EP400: variants seen among roughly 807,000 people sequenced by gnomAD.
EP400 encodes E1A-binding protein p400.
A neutral mutation model predicts 354.1 loss-of-function variants in EP400; 105 were observed. The ratio of observed to expected loss-of-function variants is 0.30; its 90% CI spans 0.25 to 0.35. The LOEUF is 0.35. EP400 is among the 10% of genes least tolerant of loss of function. EP400 has a pLI of 1.00. For synonymous variants in EP400, 1,646 were observed against 1,716.9 expected (o/e 0.96, Z 1.02); for missense variants, 3,280 against 4,121.0 (o/e 0.80, Z 5.59).
At position 132,037,996 on chromosome 12, in the gene EP400, A is replaced by G; in HGVS notation, c.6107A>G (p.Asp2036Gly). Residue 2036 changes from aspartate (D) to glycine (G), a missense_variant, in exon 32 of 53, where the codon GAT becomes GGT. Coordinates refer to ENST00000389561, the MANE Select transcript of EP400 (RefSeq NM_015409.5). Reference protein sequence around the residue: ...ELFEVYSPMDDAGFPVKAEEF... With the variant: ...ELFEVYSPMDGAGFPVKAEEF... ...TTTGAAGTTTATTCTCCCATGGATG[A>G]TGCTGGCTTCCCGGTCAAAGCTGAG... is the stretch of plus-strand genomic sequence containing the variant. 1 of 1,614,242 alleles carries G rather than the reference A, an allele frequency of 6.2e-7. No homozygotes were observed. The highest frequency in any genetic ancestry group is 8.5e-7 in the Non-Finnish European group (1 of 1,180,040).
intron 30 of EP400, among the ~76,000 whole-genome samples, chr12:132,035,067 C>G (rs569342216): frequency 6.6e-6 from 1 of 152,134 alleles, no homozygotes; most frequent in South Asian, 2.1e-4. Context: ...AAAGACCCCC[C>G]CTTACTCTTA....
chr12:131,999,951 G>T, intron 12 of EP400, among the ~76,000 whole-genome samples: 1 of 148,068 alleles, frequency 6.8e-6, no homozygotes, highest in South Asian at 2.1e-4. Flanking sequence ...CTGTTTTCTT[G>T]ATAGTCTTGT....
Position 132,067,103 on chromosome 12 carries a change from C to A in EP400, c.8749+134C>A. On this transcript the variant is annotated intron_variant, in intron 49 of 52. Coordinates refer to ENST00000389561, the MANE Select transcript of EP400 (RefSeq NM_015409.5). The surrounding 1 kb of genome is among the most constrained non-coding windows in gnomAD (Gnocchi z 5.3). ...TTGAGCGTGCCATCACGTGTTCTAG[C>A]ACAAACGTGCCTTGGCGCTTTCCAG... 1.6e-6 allele frequency: 2 copies of A among 1,249,890 alleles called. No homozygotes were observed. The highest frequency in any genetic ancestry group is 2.1e-6 in the Non-Finnish European group (2 of 931,956). 77.4% of individuals were successfully genotyped at this position (1,249,890 alleles called of 1,614,324 possible).
Position 132,062,581 on chromosome 12 carries a change from GCAGCAGCAGCAA to G in EP400, c.8226_8237del (p.Gln2745_Gln2748del), listed in dbSNP as rs765799011. On this transcript the variant is annotated inframe_deletion, in exon 47 of 53. Transcript: ENST00000389561. Reference sequence around the variant, plus strand: ...AGCAGCAGCAGCAGCAGCAGCAGCAGCAGCAGCAGCAACAGCAGCAGCAGCAACAGACGACGA... The same window carrying G: ...AGCAGCAGCAGCAGCAGCAGCAGCAGCAGCAGCAGCAGCAACAGACGACGA... 2.5e-4 allele frequency: 407 copies of G among 1,606,708 alleles called. 1 individual carries two copies. In the African/African-American group the frequency reaches 4.3e-3, roughly 17 times the overall value.
At position 131,987,693 on chromosome 12, in the gene EP400, T is replaced by C; in HGVS notation, c.2224-12T>C. On this transcript the variant is annotated splice_polypyrimidine_tract_variant and intron_variant, in intron 6 of 52. Transcript: ENST00000389561. The stretch of plus-strand genomic sequence containing the variant: ...CATGCCGACCCCACCATCCCCCATG[T>C]ATCATCTACAGGAGAACCAGGTGCA... 6.3e-7 allele frequency: 1 copy of C among 1,578,886 alleles called. No individual in the cohort carries two copies. Among genetic ancestry groups the C allele is most frequent in the South Asian group, 1.2e-5 (1 of 85,678 alleles).
chr12:132,036,045 C>A (rs986909591), intron 30 of EP400, among the ~76,000 whole-genome samples: 1 of 151,870 alleles, frequency 6.6e-6, no homozygotes, highest in Non-Finnish European at 1.5e-5. Context: ...AGCACACACC[C>A]AGGTTCACAC....
At position 132,064,739 on chromosome 12, in the gene EP400, T is replaced by C. The variant is rs756347430; in HGVS notation, c.8406T>C (p.Ser2802=). 6.8e-6 allele frequency: 11 copies of C among 1,613,650 alleles called. No homozygotes were observed. The highest frequency in any genetic ancestry group is 3.3e-5 in the Admixed American group (2 of 60,002). The change falls in exon 48 of 53, where the codon TCT becomes TCC. Residue 2802 remains serine (S), a synonymous_variant. Transcript: ENST00000389561. ...AGCCCCCACCGCCACAGGCCCAGTC[T>C]GCGCCCCCGCAGCCAACAGCCCAAG... The part of the protein sequence containing the change: ...PPQPPPPQAQ[S]APPQPTAQVQ...
At chr12:131,952,308 A>G (rs1265292088) in intron 1 of EP400, among the ~76,000 whole-genome samples, 1 of 145,506 alleles carries the variant, frequency 6.9e-6, no homozygotes, top group African/African-American at 2.6e-5. Flanking sequence ...GTCTCAAAAA[A>G]AAAAAAAAAA....
At chr12:132,001,340 G>C (rs1424217152) in intron 12 of EP400, among the ~76,000 whole-genome samples, 1 of 152,230 alleles carries the variant, frequency 6.6e-6, no homozygotes, top group African/African-American at 2.4e-5. Flanking sequence ...CTGCCTGGCA[G>C]CCGAGGCAGA....
At position 132,066,988 on chromosome 12, in the gene EP400, C is replaced by T; in HGVS notation, c.8749+19C>T. The stretch of plus-strand genomic sequence containing the variant: ...GCAGCAGGTGCCCGCCCCAGCACAC[C>T]CTCCCGTCCTGGGCTTGAGCCTGGT... On this transcript the variant is annotated intron_variant, in intron 49 of 52. Transcript: ENST00000389561. 1 of 1,562,312 alleles carries T rather than the reference C, an allele frequency of 6.4e-7. No homozygotes were observed. The highest frequency in any genetic ancestry group is 8.7e-7 in the Non-Finnish European group (1 of 1,156,030).
At chr12:132,064,641 A>G (rs746062139) in intron 47 of EP400, 27 bp from the exon 48 acceptor site, 2 of 1,604,312 alleles carry the variant, frequency 1.2e-6, no homozygotes, top group South Asian at 2.2e-5. Context: ...TTAATGTTGA[A>G]GAGAAGATAC....
chr12:132,056,018 G>A (rs1203811591), intron 45 of EP400, among the ~76,000 whole-genome samples: 2 of 151,876 alleles, frequency 1.3e-5, no homozygotes, highest in Non-Finnish European at 2.9e-5. Context: ...TCTACGGAAC[G>A]TGGAGACCCC....
intron 7 of EP400, among the ~76,000 whole-genome samples, chr12:131,988,107 A>T (rs1298826284): frequency 2.0e-5 from 3 of 150,100 alleles, no homozygotes; most frequent in African/African-American, 7.4e-5. Flanking sequence ...TCCTGGGCTC[A>T]AGTGATTGCT....
chr12:132,062,581 G>GCAGCAGCAGCAGCAA lies in EP400; in HGVS notation c.8225_8226insGCAACAGCAGCAGCA (p.Gln2744_Gln2748dup), dbSNP rs1565933297. On this transcript the variant is annotated inframe_insertion, in exon 47 of 53. Coordinates refer to ENST00000389561, the MANE Select transcript of EP400 (RefSeq NM_015409.5). ...AGCAGCAGCAGCAGCAGCAGCAGCA[G>GCAGCAGCAGCAGCAA]CAGCAGCAGCAACAGCAGCAGCAGC... 4 of 1,606,994 alleles carry GCAGCAGCAGCAGCAA rather than the reference G, an allele frequency of 2.5e-6. No individual in the cohort carries two copies. The highest frequency in any genetic ancestry group is 2.2e-5 in the East Asian group (1 of 44,718).
chr12:132,071,431 C>T (rs1017258217), intron 51 of EP400, among the ~76,000 whole-genome samples: 3 of 152,234 alleles, frequency 2.0e-5, no homozygotes, highest in South Asian at 2.1e-4. Flanking sequence ...CAGAGGCTTC[C>T]GGCTCAGGAA....
chr12:132,037,852 CA>C, intron 31 of EP400, 59 bp downstream of exon 31: 1 of 1,612,174 alleles, frequency 6.2e-7, no homozygotes. Flanking sequence ...CGTGGAATCG[CA>C]TGGTGTTAGT....
intron 23 of EP400, among the ~76,000 whole-genome samples, chr12:132,023,300 T>A (rs906305531): frequency 2.1e-5 from 2 of 95,628 alleles, no homozygotes; most frequent in Admixed American, 9.8e-5. Flanking sequence ...GCCCAGCTAA[T>A]TTTTTTTTTT....
rs1428985744 is a variant in EP400, at chr12:131,987,786, G to T, written c.2305G>T (p.Ala769Ser). Residue 769 changes from alanine to serine, a missense_variant, in exon 7 of 53, where the codon GCC becomes TCC. Transcript: ENST00000389561. ...SQRRLPKLQEAPRPKSHWDYL... is the reference protein window; with the variant it reads ...SQRRLPKLQESPRPKSHWDYL... The stretch of plus-strand genomic sequence containing the variant: ...GAGGCGTCTGCCAAAGCTGCAGGAG[G>T]CCCCACGCCCCAAGTCCCACTGGGA... 1 of 1,612,956 alleles carries T rather than the reference G, an allele frequency of 6.2e-7. No homozygotes were observed.
In EP400 at chr12:132,070,388, C is replaced by T. The variant is rs534515204; in HGVS notation, c.9021+747C>T. On this transcript the variant is annotated intron_variant, in intron 51 of 52. Transcript: ENST00000389561. The surrounding 1 kb of genome is among the most constrained non-coding windows in gnomAD (Gnocchi z 4.1). ...CCCAATTCTGTCATCCATCGATCCACAGTGCCGCCTCCACCTGAGATCCTG... is the reference window on the plus strand; with the variant it reads ...CCCAATTCTGTCATCCATCGATCCATAGTGCCGCCTCCACCTGAGATCCTG... 1.3e-4 allele frequency among the ~76,000 whole-genome samples: 20 copies of T among 152,376 alleles called. No individual in the cohort carries two copies. In the South Asian group the frequency reaches 1.4e-3, roughly 11 times the overall value.
Sources: allele counts gnomAD v4.1 joint callset (sites outside exome capture counted in the v4.1 genomes callset), GRCh38; gene constraint gnomAD v4.1.1; non-coding constraint Gnocchi (gnomAD v3.1); transcripts MANE v1.5; gene names NCBI Gene and HGNC (gene_info 2026-07-23, HGNC 2026-07-21).